Variants in SPECC1L observed in about 807,000 individuals in gnomAD.
SPECC1L encodes the protein cytospin-A.
In SPECC1L, 40 loss-of-function variants were observed where a neutral mutation model predicts 116.8. The ratio of observed to expected loss-of-function variants is 0.34; its 90% CI spans 0.27 to 0.45. The LOEUF is 0.45. Among genes scored for constraint, SPECC1L ranks in the 20% least tolerant of loss-of-function variants. The pLI is 1.00. For missense variants in SPECC1L, 1,110 were observed against 1,373.6 expected (o/e 0.81, Z 3.03); for synonymous variants, 504 against 500.6 (o/e 1.01, Z -0.09).
intron 14 of SPECC1L, among the ~76,000 whole-genome samples, chr22:24,404,375 A>G (rs908771064): frequency 1.3e-5 from 2 of 152,096 alleles, no homozygotes; most frequent in African/African-American, 4.8e-5. Context: ...GGGTATCTCC[A>G]AGGTATCTTG....
intron 4 of SPECC1L, among the ~76,000 whole-genome samples, chr22:24,317,047 A>G (rs1321698868): frequency 1.5e-5 from 1 of 67,534 alleles, no homozygotes; most frequent in South Asian, 5.7e-4. Flanking sequence ...TGACCCCCCC[A>G]CCTCCCTCCC....
At chr22:24,367,576 T>C (rs1296573818) in intron 13 of SPECC1L, among the ~76,000 whole-genome samples, 3 of 152,180 alleles carry the variant, frequency 2.0e-5, no homozygotes, top group Non-Finnish European at 4.4e-5. Context: ...AGCAGGAATG[T>C]TACAGGCTGG....
At chr22:24,300,625 G>C (rs8140994) in intron 2 of SPECC1L, among the ~76,000 whole-genome samples, 1 of 152,118 alleles carries the variant, frequency 6.6e-6, no homozygotes, top group African/African-American at 2.4e-5. Flanking sequence ...CCACAACCTT[G>C]CCAGCATCTG....
intron 4 of SPECC1L, among the ~76,000 whole-genome samples, chr22:24,315,461 G>C (rs907923858): frequency 1.4e-4 from 22 of 152,264 alleles, no homozygotes; most frequent in African/African-American, 5.3e-4. Context: ...AGGCCACAAG[G>C]CTGGTGGTGA....
At chr22:24,280,845 C>T (rs926774849) in intron 2 of SPECC1L, among the ~76,000 whole-genome samples, 12 of 152,078 alleles carry the variant, frequency 7.9e-5, no homozygotes, top group African/African-American at 2.9e-4. Flanking sequence ...ACTCGGCCAC[C>T]GAAAGTGTTG....
rs944041798 is a variant in SPECC1L at position 24,382,667 on chromosome 22, T to C, written c.3087+13347T>C. 1.3e-4 allele frequency among the ~76,000 whole-genome samples: 18 copies of C among 135,742 alleles called. No homozygotes were observed. In the Middle Eastern group the frequency reaches 0.016, roughly 121 times the overall value. 89.1% of individuals were successfully genotyped at this position (135,742 alleles called of 152,430 possible). ...CAGTGAGCCGAGATCATGCCGCCACTGCACTCCAGCCTGGGCAACAGAGCA... is the reference window on the plus strand; with the variant it reads ...CAGTGAGCCGAGATCATGCCGCCACCGCACTCCAGCCTGGGCAACAGAGCA... On this transcript the variant is annotated intron_variant, in intron 14 of 16. Transcript: ENST00000314328.
chr22:24,363,725 A>T (rs2041691077), intron 12 of SPECC1L, among the ~76,000 whole-genome samples: 1 of 152,188 alleles, frequency 6.6e-6, no homozygotes, highest in Non-Finnish European at 1.5e-5. Flanking sequence ...TAAAGAATTG[A>T]CATTGAACGA....
chr22:24,320,594 A>G (rs1285972640), intron 4 of SPECC1L, among the ~76,000 whole-genome samples: 1 of 152,188 alleles, frequency 6.6e-6, no homozygotes, highest in Non-Finnish European at 1.5e-5. Context: ...TTCATCTGTA[A>G]AACAAGGTGA....
intron 6 of SPECC1L, among the ~76,000 whole-genome samples, chr22:24,327,599 TTA>T (rs1363148327): frequency 6.6e-6 from 1 of 152,178 alleles, no homozygotes; most frequent in Admixed American, 6.5e-5. Flanking sequence ...ATGTCTATAG[TTA>T]TGTTTTCCCT....
rs185344011 is a variant in SPECC1L, at chr22:24,280,267, C to G, written c.-38+3464C>G. On this transcript the variant is annotated intron_variant, in intron 2 of 16. Coordinates refer to ENST00000314328, the MANE Select transcript of SPECC1L (RefSeq NM_015330.6). ...GGTGTTTTGCTTACCTACTTCCACACAAACTGCTGATATGGTTAGGATTTG... is the reference window on the plus strand; with the variant it reads ...GGTGTTTTGCTTACCTACTTCCACAGAAACTGCTGATATGGTTAGGATTTG... 4.0e-3 allele frequency among the ~76,000 whole-genome samples: 608 copies of G among 152,188 alleles called. 4 individuals are homozygous for G. The highest frequency in any genetic ancestry group is 0.014 in the African/African-American group (568 of 41,518).
intron 14 of SPECC1L, among the ~76,000 whole-genome samples, chr22:24,370,803 A>G (rs529996596): frequency 6.6e-6 from 1 of 152,342 alleles, no homozygotes; most frequent in South Asian, 2.1e-4. Context: ...ACATTGTGCT[A>G]AATGAAACAA....
At chr22:24,340,412 G>T (rs1208064838) in intron 10 of SPECC1L, among the ~76,000 whole-genome samples, 1 of 152,112 alleles carries the variant, frequency 6.6e-6, no homozygotes, top group African/African-American at 2.4e-5. Flanking sequence ...CTTCCAAAGT[G>T]CTGGGATTAC....
intron 3 of SPECC1L, among the ~76,000 whole-genome samples, chr22:24,308,216 C>T (rs535806651): frequency 6.6e-6 from 1 of 152,164 alleles, no homozygotes; most frequent in Admixed American, 6.5e-5. Flanking sequence ...TAATGTATAA[C>T]CTTTCATTAA....
chr22:24,327,649 T>C (rs182489914), intron 6 of SPECC1L, among the ~76,000 whole-genome samples: 8 of 152,068 alleles, frequency 5.3e-5, no homozygotes, highest in Admixed American at 2.0e-4. Flanking sequence ...AGGATACTTA[T>C]TAAAAAAAAA....
intron 4 of SPECC1L, among the ~76,000 whole-genome samples, chr22:24,320,050 G>A (rs1031316656): frequency 6.6e-6 from 1 of 152,232 alleles, no homozygotes; most frequent in African/African-American, 2.4e-5. Flanking sequence ...GACGCGGGCA[G>A]ATCATTTGAG....
At chr22:24,371,729 T>C (rs928748207) in intron 14 of SPECC1L, among the ~76,000 whole-genome samples, 49 of 152,198 alleles carry the variant, frequency 3.2e-4, no homozygotes, top group African/African-American at 1.2e-3. Context: ...ATTGATTGAT[T>C]GATCGATTGA....
At chr22:24,373,236 A>G (rs1351597166) in intron 14 of SPECC1L, among the ~76,000 whole-genome samples, 1 of 152,204 alleles carries the variant, frequency 6.6e-6, no homozygotes, top group Non-Finnish European at 1.5e-5. Flanking sequence ...ATCCCCATCA[A>G]GCTACCAATG....
chr22:24,347,070 T>C lies in SPECC1L; in HGVS notation c.2653-16T>C. On this transcript the variant is annotated splice_polypyrimidine_tract_variant and intron_variant, in intron 10 of 16. Coordinates refer to ENST00000314328, the MANE Select transcript of SPECC1L (RefSeq NM_015330.6). ...CAGTCATTTTAACTTTGATGTTGTT[T>C]ATCTTATGATTTCAGAGACATTCCA... 6.2e-7 allele frequency: 1 copy of C among 1,601,048 alleles called. No homozygotes were observed. The highest frequency in any genetic ancestry group is 8.6e-7 in the Non-Finnish European group (1 of 1,168,162).
intron 9 of SPECC1L, among the ~76,000 whole-genome samples, chr22:24,337,222 G>T (rs775126264): frequency 6.6e-6 from 1 of 152,102 alleles, no homozygotes; most frequent in African/African-American, 2.4e-5. Context: ...ACAAAATGTG[G>T]TATATTCATA....
Sources: gnomAD v4.1 joint callset for allele counts (sites outside exome capture counted in the v4.1 genomes callset) on GRCh38, gnomAD v4.1.1 for gene constraint, MANE v1.5 for transcripts, NCBI Gene and HGNC (gene_info 2026-07-23, HGNC 2026-07-21) for gene names.